The following GPR137C variants were observed in gnomAD, a reference collection of about 807,000 sequenced individuals.
GPR137C encodes the protein integral membrane protein GPR137C.
GPR137C carries 27 observed loss-of-function variants against 43.4 expected under a neutral mutation model. The ratio of observed to expected loss-of-function variants is 0.62; its 90% CI spans 0.46 to 0.86. GPR137C has a LOEUF of 0.86. GPR137C is among the 40% of genes least tolerant of loss of function. The probability of loss-of-function intolerance (pLI) is 0.00; values close to 1 mark genes in which losing one functional copy is unlikely to be tolerated. For synonymous variants in GPR137C, 285 were observed against 226.9 expected (o/e 1.26, Z -2.30); for missense variants, 522 against 534.6 (o/e 0.98, Z 0.23).
intron 1 of GPR137C, among the ~76,000 whole-genome samples, chr14:52,564,064 A>C (rs1372550891): frequency 6.6e-6 from 1 of 152,158 alleles, no homozygotes; most frequent in Non-Finnish European, 1.5e-5. Flanking sequence ...TCACGAGGTC[A>C]GCAGTTTGAG....
intron 3 of GPR137C, among the ~76,000 whole-genome samples, chr14:52,608,766 C>T (rs1168118721): frequency 6.6e-6 from 1 of 151,942 alleles, no homozygotes; most frequent in African/African-American, 2.4e-5. Flanking sequence ...CACTCCTGGC[C>T]CGTAATGTTT....
intron 1 of GPR137C, among the ~76,000 whole-genome samples, chr14:52,595,359 T>A (rs2038840334): frequency 6.6e-6 from 1 of 152,202 alleles, no homozygotes; most frequent in Non-Finnish European, 1.5e-5. Context: ...ATTTGAATGT[T>A]GGCCTGCCTT....
intron 1 of GPR137C, among the ~76,000 whole-genome samples, chr14:52,564,633 G>C (rs1421698709): frequency 6.6e-6 from 1 of 152,030 alleles, no homozygotes; most frequent in Non-Finnish European, 1.5e-5. Context: ...GCATTATGCT[G>C]CTCTTCTTCA....
chr14:52,559,229 AG>A (rs2038241369), intron 1 of GPR137C, among the ~76,000 whole-genome samples: 1 of 152,094 alleles, frequency 6.6e-6, no homozygotes, highest in Admixed American at 6.6e-5. Flanking sequence ...ATAAAAAATT[AG>A]CCCAGCATGG....
chr14:52,583,482 C>T (rs2099905985), intron 1 of GPR137C, among the ~76,000 whole-genome samples: 1 of 152,076 alleles, frequency 6.6e-6, no homozygotes, highest in Non-Finnish European at 1.5e-5. Flanking sequence ...CAGCTCAACT[C>T]CCTGTCACAC....
chr14:52,607,217 A>G (rs1315632538), intron 3 of GPR137C, among the ~76,000 whole-genome samples: 3 of 152,214 alleles, frequency 2.0e-5, no homozygotes, highest in African/African-American at 7.2e-5. Context: ...CATGTGGTCT[A>G]TTCTGGAGAA....
chr14:52,609,512 A>G (rs954787318), intron 3 of GPR137C, among the ~76,000 whole-genome samples: 5 of 152,138 alleles, frequency 3.3e-5, no homozygotes, highest in African/African-American at 1.2e-4. Context: ...TTTTTATTTT[A>G]GTTTTCACAG....
chr14:52,591,872 T>G (rs924711864), intron 1 of GPR137C, among the ~76,000 whole-genome samples: 1 of 152,210 alleles, frequency 6.6e-6, no homozygotes, highest in Non-Finnish European at 1.5e-5. Flanking sequence ...CCATTGCTTT[T>G]GGTGTTTTAG....
intron 1 of GPR137C, among the ~76,000 whole-genome samples, chr14:52,579,352 G>T (rs1566609189): frequency 6.6e-6 from 1 of 152,180 alleles, no homozygotes; most frequent in African/African-American, 2.4e-5. Flanking sequence ...AGAGGCATTT[G>T]CCCAGGGTAT....
At chr14:52,604,069 G>C (rs535115656) in intron 3 of GPR137C, among the ~76,000 whole-genome samples, 5 of 152,054 alleles carry the variant, frequency 3.3e-5, no homozygotes, top group African/African-American at 1.2e-4. Flanking sequence ...CTTTTGTAGA[G>C]ATGTCTATTC....
chr14:52,612,895 T>A (rs1302505624), intron 3 of GPR137C: 1 of 151,784 alleles, frequency 6.6e-6, no homozygotes, highest in Non-Finnish European at 1.5e-5. Context: ...TCTTAGAAAA[T>A]TTTTTATTTT....
intron 1 of GPR137C, among the ~76,000 whole-genome samples, chr14:52,583,101 G>T (rs1213800443): frequency 1.3e-5 from 2 of 151,730 alleles, no homozygotes; most frequent in South Asian, 2.1e-4. Flanking sequence ...CTGGTATTAA[G>T]AAAGAGCTGG....
intron 3 of GPR137C, among the ~76,000 whole-genome samples, chr14:52,606,119 G>T (rs1451148166): frequency 6.6e-6 from 1 of 152,138 alleles, no homozygotes; most frequent in African/African-American, 2.4e-5. Context: ...AGCAGAATTG[G>T]TATTAGTTCT....
At chr14:52,621,331 C>G (rs1468122447) in intron 3 of GPR137C, among the ~76,000 whole-genome samples, 2 of 151,606 alleles carry the variant, frequency 1.3e-5, no homozygotes, top group Non-Finnish European at 3.0e-5. Context: ...TATTAAAGAA[C>G]AGTGGAGAAA....
intron 1 of GPR137C, among the ~76,000 whole-genome samples, chr14:52,578,515 T>A (rs1032984035): frequency 2.0e-5 from 3 of 152,208 alleles, no homozygotes; most frequent in African/African-American, 7.2e-5. Context: ...GAGCTCCATA[T>A]CTACTCTCTC....
chr14:52,635,064 T>C lies in GPR137C; in HGVS notation c.1239T>C (p.Ser413=), dbSNP rs776261186. 1 of 1,605,182 alleles carries C rather than the reference T, an allele frequency of 6.2e-7. No homozygotes were observed. The highest frequency in any genetic ancestry group is 1.1e-5 in the South Asian group (1 of 88,760). The change falls in exon 7 of 7, where the codon AGT becomes AGC. Residue 413 remains serine (S), a synonymous_variant. Transcript: ENST00000321662. Reference sequence around the variant, plus strand: ...CTGCTCCTTTGCTCTTTACTTGTAGTAATTTAGATTTGAACAATCATCATA... The same window carrying C: ...CTGCTCCTTTGCTCTTTACTTGTAGCAATTTAGATTTGAACAATCATCATA... The part of the protein sequence containing the change: ...TDTAPLLFTC[S]NLDLNNHHSL...
chr14:52,596,157 A>T (rs1394225249), intron 1 of GPR137C, among the ~76,000 whole-genome samples: 1 of 152,126 alleles, frequency 6.6e-6, no homozygotes, highest in Non-Finnish European at 1.5e-5. Context: ...GAGGCTGCAG[A>T]ACAGCAAATA....
At chr14:52,587,250 G>T (rs1248290783) in intron 1 of GPR137C, among the ~76,000 whole-genome samples, 1 of 152,118 alleles carries the variant, frequency 6.6e-6, no homozygotes, top group Non-Finnish European at 1.5e-5. Context: ...AAATAAATAT[G>T]TAAATAAATG....
intron 3 of GPR137C, among the ~76,000 whole-genome samples, chr14:52,629,101 T>C (rs963362715): frequency 3.9e-5 from 6 of 152,186 alleles, no homozygotes; most frequent in African/African-American, 1.4e-4. Flanking sequence ...GCTAAAAAGA[T>C]TGACAGTCCC....
Sources: allele counts gnomAD v4.1 joint callset (sites outside exome capture counted in the v4.1 genomes callset), GRCh38; gene constraint gnomAD v4.1.1; transcripts MANE v1.5; gene names NCBI Gene and HGNC (gene_info 2026-07-23, HGNC 2026-07-21).